The following NTRK2 variants were observed in gnomAD, a reference collection of about 807,000 sequenced individuals.
NTRK2 encodes BDNF/NT-3 growth factors receptor.
In NTRK2, 13 loss-of-function variants were observed where a neutral mutation model predicts 94.5. The ratio of observed to expected loss-of-function variants is 0.14; its 90% CI spans 0.09 to 0.22. The LOEUF is 0.22. Among genes scored for constraint, NTRK2 ranks in the 10% least tolerant of loss-of-function variants. The probability of loss-of-function intolerance (pLI) is 1.00; values close to 1 mark genes in which losing one functional copy is unlikely to be tolerated. For missense variants in NTRK2, 639 were observed against 1,071.2 expected (o/e 0.60, Z 5.63); for synonymous variants, 372 against 407.4 (o/e 0.91, Z 1.05).
intron 16 of NTRK2, among the ~76,000 whole-genome samples, chr9:84,949,278 T>C (rs1231074752): frequency 2.6e-5 from 4 of 152,262 alleles, no homozygotes; most frequent in Non-Finnish European, 4.4e-5. Context: ...GCGGAGACCC[T>C]GAGGTCATGA....
intron 17 of NTRK2, among the ~76,000 whole-genome samples, chr9:84,963,403 C>T (rs572323464): frequency 1.3e-5 from 2 of 152,290 alleles, no homozygotes; most frequent in East Asian, 3.9e-4. Flanking sequence ...ATGATAACAT[C>T]TGTTTCTTTA....
At chr9:84,732,793 G>A (rs1284883923) in intron 9 of NTRK2, among the ~76,000 whole-genome samples, 2 of 152,160 alleles carry the variant, frequency 1.3e-5, no homozygotes, top group Non-Finnish European at 2.9e-5. Flanking sequence ...ACCTGGGAAT[G>A]TTCAATGCTG....
intron 15 of NTRK2, among the ~76,000 whole-genome samples, chr9:84,936,282 T>C (rs763979249): frequency 1.3e-5 from 2 of 152,214 alleles, no homozygotes; most frequent in Non-Finnish European, 2.9e-5. Context: ...AAGGAGAGTG[T>C]GTTGCGTAGC....
At chr9:84,816,005 A>T (rs1349282520) in intron 12 of NTRK2, among the ~76,000 whole-genome samples, 1 of 152,122 alleles carries the variant, frequency 6.6e-6, no homozygotes, top group Non-Finnish European at 1.5e-5. Context: ...AAAAAAAAAA[A>T]AACTTATGCG....
intron 12 of NTRK2, among the ~76,000 whole-genome samples, chr9:84,760,506 A>T (rs1478103323): frequency 2.0e-5 from 3 of 152,170 alleles, no homozygotes; most frequent in African/African-American, 4.8e-5. Context: ...TACAATGTGT[A>T]TCTACTTTAT....
At chr9:84,808,350 G>A (rs2071367968) in intron 12 of NTRK2, among the ~76,000 whole-genome samples, 1 of 152,172 alleles carries the variant, frequency 6.6e-6, no homozygotes, top group Non-Finnish European at 1.5e-5. Context: ...TGGAGTTCCT[G>A]TGCCATAAAC....
At chr9:84,864,882 A>G (rs2075515700) in intron 13 of NTRK2, among the ~76,000 whole-genome samples, 1 of 151,506 alleles carries the variant, frequency 6.6e-6, no homozygotes, top group Admixed American at 6.6e-5. Flanking sequence ...TTGGGATTAC[A>G]GGTGCACGCC....
chr9:84,805,901 T>C (rs2071055289), intron 12 of NTRK2, among the ~76,000 whole-genome samples: 1 of 152,170 alleles, frequency 6.6e-6, no homozygotes, highest in Admixed American at 6.5e-5. Flanking sequence ...TCTGCAAAGA[T>C]TTCCCACCAG....
chr9:84,893,887 C>G (rs557412245), intron 14 of NTRK2, among the ~76,000 whole-genome samples: 4 of 152,234 alleles, frequency 2.6e-5, no homozygotes, highest in Non-Finnish European at 5.9e-5. Context: ...CTTTTGACAA[C>G]AAGAAACAGG....
intron 9 of NTRK2, 129 bp downstream of exon 9, chr9:84,728,088 T>G: frequency 1.2e-6 from 1 of 848,558 alleles, no homozygotes; most frequent in Non-Finnish European, 1.9e-6. Flanking sequence ...GTGTTGCTCA[T>G]GGATCCATAG....
chr9:84,868,307 G>A (rs1456910212), intron 14 of NTRK2, among the ~76,000 whole-genome samples: 1 of 152,170 alleles, frequency 6.6e-6, no homozygotes, highest in Non-Finnish European at 1.5e-5. Flanking sequence ...TTGTCATAGA[G>A]GTAAGGTAGA....
At chr9:84,802,397 C>T (rs1331649879) in intron 12 of NTRK2, among the ~76,000 whole-genome samples, 11 of 152,162 alleles carry the variant, frequency 7.2e-5, no homozygotes, top group African/African-American at 9.7e-5. Context: ...GGACTTCCTG[C>T]GCTCCAACAT....
chr9:85,015,941 G>C (rs1832176092), intron 17 of NTRK2, among the ~76,000 whole-genome samples: 1 of 152,302 alleles, frequency 6.6e-6, no homozygotes, highest in Admixed American at 6.5e-5. Context: ...TGTCCAATGG[G>C]GAAAGGTTTG....
intron 4 of NTRK2, among the ~76,000 whole-genome samples, chr9:84,706,495 C>A (rs1479557554): frequency 2.0e-5 from 3 of 148,940 alleles, no homozygotes; most frequent in African/African-American, 7.4e-5. Context: ...CACTGTCACC[C>A]TCAGATCTCA....
chr9:84,760,796 G>T (rs997565370), intron 12 of NTRK2, among the ~76,000 whole-genome samples: 1 of 152,186 alleles, frequency 6.6e-6, no homozygotes, highest in Non-Finnish European at 1.5e-5. Context: ...ACACCCACTA[G>T]CTTAGATCTA....
intron 2 of NTRK2, among the ~76,000 whole-genome samples, chr9:84,675,461 C>T (rs1286705535): frequency 6.6e-6 from 1 of 151,338 alleles, no homozygotes; most frequent in East Asian, 1.9e-4. Flanking sequence ...GGCCTTATCC[C>T]TCTGGCTAAC....
intron 12 of NTRK2, among the ~76,000 whole-genome samples, chr9:84,792,981 C>T (rs572092458): frequency 1.0e-3 from 155 of 152,254 alleles, no homozygotes; most frequent in African/African-American, 3.5e-3. Flanking sequence ...TAACTACCAT[C>T]AGTATCATCA....
chr9:84,847,426 T>C (rs931430291), intron 12 of NTRK2, among the ~76,000 whole-genome samples: 6 of 152,220 alleles, frequency 3.9e-5, no homozygotes, highest in African/African-American at 1.4e-4. Context: ...AATACAAGCT[T>C]GTATGTGGCT....
chr9:84,689,271 A>C (rs1393613184), intron 2 of NTRK2, among the ~76,000 whole-genome samples: 1 of 152,238 alleles, frequency 6.6e-6, no homozygotes, highest in Non-Finnish European at 1.5e-5. Context: ...CCCTTATGGC[A>C]ACCTTTGCAT....
Sources: allele counts gnomAD v4.1 joint callset (sites outside exome capture counted in the v4.1 genomes callset), GRCh38; gene constraint gnomAD v4.1.1; transcripts MANE v1.5; gene names NCBI Gene and HGNC (gene_info 2026-07-23, HGNC 2026-07-21).